MPRIP: variants seen among roughly 807,000 people sequenced by gnomAD.
MPRIP encodes the protein myosin phosphatase Rho-interacting protein.
In MPRIP, 59 loss-of-function variants were observed where a neutral mutation model predicts 234.9. The ratio of observed to expected loss-of-function variants is 0.25; its 90% CI spans 0.20 to 0.31. The LOEUF (loss-of-function observed/expected upper bound fraction) is 0.31, where lower values mean the gene tolerates loss of function less well. Among genes scored for constraint, MPRIP ranks in the 10% least tolerant of loss-of-function variants. The pLI is 1.00. For missense variants in MPRIP, 2,436 were observed against 3,071.0 expected, an observed-to-expected ratio of 0.79 and a Z score of 4.89; for synonymous variants, 1,144 against 1,263.9, an observed-to-expected ratio of 0.91 and a Z score of 2.01.
rs894685102 is a variant in MPRIP at position 17,168,516 on chromosome 17, C to G, written c.6324+601C>G. Reference sequence around the variant, plus strand: ...CCACTCCTGTCCCCTTCCCCAGGACCTTTACAAGTAGATTTTCCCCAGAAC... The same window carrying G: ...CCACTCCTGTCCCCTTCCCCAGGACGTTTACAAGTAGATTTTCCCCAGAAC... On this transcript the variant is annotated intron_variant, in intron 16 of 23. Coordinates refer to ENST00000651222, the MANE Select transcript of MPRIP (RefSeq NM_001364716.4). 1.3e-5 allele frequency: 4 copies of G among 313,640 alleles called. No individual in the cohort carries two copies. The Admixed American group carries it at 1.9e-4, about 15-fold the overall frequency. The allele number at this position is 313,640 out of a possible 1,614,324, so 19.4% of individuals were successfully genotyped here.
intron 15 of MPRIP, among the ~76,000 whole-genome samples, chr17:17,163,740 G>T (rs2045921269): frequency 6.6e-6 from 1 of 152,162 alleles, no homozygotes; most frequent in African/African-American, 2.4e-5. Flanking sequence ...ACAAACAGCT[G>T]CAGGTGCTGT....
At chr17:17,051,346 G>A (rs2088534787) in intron 1 of MPRIP, among the ~76,000 whole-genome samples, 1 of 152,194 alleles carries the variant, frequency 6.6e-6, no homozygotes, top group South Asian at 2.1e-4. Context: ...GAGGATCATT[G>A]GGTGCTAATT....
chr17:17,173,076 A>G (rs957770375), intron 18 of MPRIP, among the ~76,000 whole-genome samples: 2 of 152,246 alleles, frequency 1.3e-5, no homozygotes, highest in African/African-American at 2.4e-5. Flanking sequence ...CCTCTTGTCC[A>G]GGGCTGATCC....
intron 9 of MPRIP, 59 bp from the exon 10 acceptor site, chr17:17,145,977 A>G (rs2045455473): frequency 3.3e-6 from 5 of 1,512,688 alleles, no homozygotes; most frequent in Admixed American, 1.7e-5. Flanking sequence ...TGGCCCCATC[A>G]GACACTCATG....
Position 17,185,599 on chromosome 17 carries a change from C to CTCT in MPRIP, c.*705_*706insTCT, listed in dbSNP as rs749263014. The CTCT allele has an allele frequency of 6.1e-5, 28 of 456,228 alleles. No individual in the cohort carries two copies. Among genetic ancestry groups the CTCT allele is most frequent in the Middle Eastern group, 3.2e-4 (1 of 3,102 alleles). The allele number at this position is 456,228 out of a possible 1,614,324, so 28.3% of individuals were successfully genotyped here. A position where few individuals can be genotyped will look rare whatever the true frequency, so the allele number is the denominator to read the frequency against. ...TCCTTCCTTCCTTCCTTCCTTCCTC[C>CTCT]GCTCGTTCCTTTCTTGGTCTCCAGT... On this transcript the variant is annotated 3_prime_UTR_variant, in exon 24 of 24. Coordinates refer to ENST00000651222, the MANE Select transcript of MPRIP (RefSeq NM_001364716.4).
chr17:17,166,115 GGA>G lies in MPRIP; in HGVS notation c.4528_4529del (p.Ser1510CysfsTer45), dbSNP rs1173674414. The G allele has an allele frequency of 7.7e-7, 1 of 1,299,548 alleles. No individual in the cohort carries two copies. The highest frequency in any genetic ancestry group is 5.6e-5 in the East Asian group (1 of 17,938). The allele number at this position is 1,299,548 out of a possible 1,614,324, so 80.5% of individuals were successfully genotyped here. A position where few individuals can be genotyped will look rare whatever the true frequency, so the allele number is the denominator to read the frequency against. On this transcript the variant is annotated frameshift_variant, in exon 16 of 24. Coordinates refer to ENST00000651222, the MANE Select transcript of MPRIP (RefSeq NM_001364716.4). LOFTEE classifies it high-confidence loss of function. This position sits in a 1 kb window ranked among gnomAD's most constrained non-coding sequence, Gnocchi z 4.4. ...DARAASLASV[E>X]SALVSAIQAL... ...CACGCGCAGCCTCCCTGGCCAGTGTGGAGAGTGCACTCGTCAGCGCCATCCAA... is the reference window on the plus strand; with the variant it reads ...CACGCGCAGCCTCCCTGGCCAGTGTGGAGTGCACTCGTCAGCGCCATCCAA...
rs566850945 is a variant in MPRIP at position 17,158,551 on chromosome 17, G to T, written c.1949G>T (p.Arg650Leu). The T allele has an allele frequency of 6.2e-7, 1 of 1,611,732 alleles. No homozygotes were observed. The highest frequency in any genetic ancestry group is 8.5e-7 in the Non-Finnish European group (1 of 1,179,860). Reference protein sequence around the residue: ...PDPEQKRSRARERRREGRSKT... With the variant: ...PDPEQKRSRALERRREGRSKT... ...CCTGAGCAGAAGAGGAGCCGCGCAC[G>T]GGAGCGGAGGCGAGAGGGCCGCTCC... The change falls in exon 14 of 24, where the codon CGG becomes CTG. Residue 650 changes from arginine to leucine, a missense_variant. This residue lies in a region of MPRIP where 1,998 missense variants were observed against 2,520.3 expected (regional missense o/e 0.79). Transcript: ENST00000651222.
chr17:17,123,508 C>A (rs1041595136), intron 3 of MPRIP, among the ~76,000 whole-genome samples: 1 of 151,796 alleles, frequency 6.6e-6, no homozygotes, highest in African/African-American at 2.4e-5. Context: ...ACTAAAAATA[C>A]AAAAATTACT....
At chr17:17,174,130 A>G in intron 19 of MPRIP, 55 bp downstream of exon 19, 3 of 1,591,640 alleles carry the variant, frequency 1.9e-6, no homozygotes, top group Non-Finnish European at 2.6e-6. Context: ...AAGGTCAGGT[A>G]GACCCATAGT....
At position 17,142,679 on chromosome 17, in the gene MPRIP, C is replaced by A. The variant is rs924491641; in HGVS notation, c.1303C>A (p.His435Asn). ...GGCCTTGGACATTGAGAAGGCAGAG[C>A]ACATGGAGACCAATGCAGTGGGGCC... The part of the protein sequence containing the change: ...FEALDIEKAE[H>N]METNAVGPSP... Residue 435 changes from histidine to asparagine, a missense_variant, in exon 8 of 24, where the codon CAC (histidine) becomes AAC (asparagine). His to Asn is a moderately conservative substitution (Grantham distance 68). This residue lies in a region of MPRIP where 267 missense variants were observed against 252.7 expected (regional missense o/e 1.06). Transcript: ENST00000651222. 5.6e-6 allele frequency: 9 copies of A among 1,612,110 alleles called. No homozygotes were observed. Among genetic ancestry groups the A allele is most frequent in the Non-Finnish European group, 7.6e-6 (9 of 1,179,990 alleles).
chr17:17,049,046 C>T (rs1046157090), intron 1 of MPRIP, among the ~76,000 whole-genome samples: 2 of 152,190 alleles, frequency 1.3e-5, no homozygotes, highest in Non-Finnish European at 2.9e-5. Context: ...CATGGACGAA[C>T]CTAGAAAACA....
At chr17:17,109,729 A>G (rs1320171663) in intron 3 of MPRIP, among the ~76,000 whole-genome samples, 2 of 151,882 alleles carry the variant, frequency 1.3e-5, no homozygotes, top group African/African-American at 4.9e-5. Flanking sequence ...AAAGTAAACC[A>G]GGGCTTCTGG....
Position 17,166,922 on chromosome 17 carries a change from T to C in MPRIP, c.5331T>C (p.Ala1777=). 7.7e-7 allele frequency: 1 copy of C among 1,304,128 alleles called. No individual in the cohort carries two copies. The highest frequency in any genetic ancestry group is 1.0e-6 in the Non-Finnish European group (1 of 988,918). The allele number at this position is 1,304,128 out of a possible 1,614,324, so 80.8% of individuals were successfully genotyped here. A position where few individuals can be genotyped will look rare whatever the true frequency, so the allele number is the denominator to read the frequency against. ...ACCAGAGCCCTGGGGCCTTTGTTGCTATTCAGGAGGAGCTTGCCCAGCAGC... is the reference window on the plus strand; with the variant it reads ...ACCAGAGCCCTGGGGCCTTTGTTGCCATTCAGGAGGAGCTTGCCCAGCAGC... The part of the protein sequence containing the change: ...VSDQSPGAFV[A]IQEELAQQLK... Residue 1777 remains alanine (A), a synonymous_variant, in exon 16 of 24, where the codon GCT becomes GCC. Coordinates refer to ENST00000651222, the MANE Select transcript of MPRIP (RefSeq NM_001364716.4). This position sits in a 1 kb window ranked among gnomAD's most constrained non-coding sequence, Gnocchi z 4.4.
At chr17:17,074,581 A>G (rs193229799) in intron 1 of MPRIP, among the ~76,000 whole-genome samples, 213 of 152,296 alleles carry the variant, frequency 1.4e-3, no homozygotes, top group Middle Eastern at 6.8e-3. Flanking sequence ...CCACTGTCTA[A>G]TTCTAGAATA....
chr17:17,068,714 A>G (rs559343884), intron 1 of MPRIP, among the ~76,000 whole-genome samples: 97 of 151,864 alleles, frequency 6.4e-4, no homozygotes, highest in East Asian at 5.8e-4. Context: ...TATTTTTAGT[A>G]GAGATGGGGT....
chr17:17,093,252 G>T (rs975895156), intron 3 of MPRIP, among the ~76,000 whole-genome samples: 1 of 152,170 alleles, frequency 6.6e-6, no homozygotes, highest in East Asian at 1.9e-4. Context: ...AAGGATCTTC[G>T]CATAGTCCCT....
At chr17:17,111,326 AG>A (rs200936939) in intron 3 of MPRIP, among the ~76,000 whole-genome samples, 4,048 of 151,564 alleles carry the variant, frequency 0.027, 105 homozygotes, top group East Asian at 0.12. Flanking sequence ...AGCAGGTGCC[AG>A]TGGCCTTGCC....
intron 13 of MPRIP, among the ~76,000 whole-genome samples, chr17:17,156,955 G>A (rs577308564): frequency 6.6e-6 from 1 of 152,272 alleles, no homozygotes; most frequent in African/African-American, 2.4e-5. Flanking sequence ...TCTCTCTAAA[G>A]ACTCCTTTCC....
At chr17:17,112,547 C>T (rs1241740815) in intron 3 of MPRIP, among the ~76,000 whole-genome samples, 2 of 152,038 alleles carry the variant, frequency 1.3e-5, no homozygotes, top group Non-Finnish European at 2.9e-5. Context: ...GTCCTCTGTA[C>T]GTGGAACAGT....
Sources: gnomAD v4.1 joint callset for allele counts (sites outside exome capture counted in the v4.1 genomes callset) on GRCh38, gnomAD v4.1.1 for gene constraint, gnomAD v4.1.1 regional missense constraint, Gnocchi (gnomAD v3.1) non-coding constraint, MANE v1.5 for transcripts, NCBI Gene and HGNC (gene_info 2026-07-23, HGNC 2026-07-21) for gene names.